Variants in DIAPH3 observed in about 807,000 individuals in gnomAD.
The protein encoded by DIAPH3 is protein diaphanous homolog 3.
DIAPH3 carries 117 observed loss-of-function variants against 144.3 expected under a neutral mutation model. That is an observed-to-expected ratio of 0.81 (90% CI 0.70 to 0.95). The LOEUF is 0.95. DIAPH3 is among the 40% of genes least tolerant of loss of function. The probability of loss-of-function intolerance (pLI) is 0.00; values close to 1 mark genes in which losing one functional copy is unlikely to be tolerated. For missense variants in DIAPH3, 1,421 were observed against 1,412.7 expected, an observed-to-expected ratio of 1.01 and a Z score of -0.09; for synonymous variants, 519 against 488.9, an observed-to-expected ratio of 1.06 and a Z score of -0.81.
At chr13:60,143,383 C>T (rs545386165) in intron 1 of DIAPH3, among the ~76,000 whole-genome samples, 21 of 152,262 alleles carry the variant, frequency 1.4e-4, no homozygotes, top group African/African-American at 4.6e-4. Flanking sequence ...ATCTTGAGCA[C>T]TTAAACTCTC....
intron 4 of DIAPH3, among the ~76,000 whole-genome samples, chr13:60,080,118 T>C (rs2057503986): frequency 6.6e-6 from 1 of 151,926 alleles, no homozygotes; most frequent in African/African-American, 2.4e-5. Flanking sequence ...TATTATAAAA[T>C]ATTGAAGAAC....
chr13:60,020,295 T>C (rs1273229352), intron 5 of DIAPH3, among the ~76,000 whole-genome samples: 1 of 152,190 alleles, frequency 6.6e-6, no homozygotes, highest in African/African-American at 2.4e-5. Flanking sequence ...TCCACACCAT[T>C]ACTGAACCTG....
chr13:59,943,959 C>T (rs1047665468), intron 17 of DIAPH3, among the ~76,000 whole-genome samples: 1 of 152,020 alleles, frequency 6.6e-6, no homozygotes, highest in South Asian at 2.1e-4. Context: ...TGCCTGCAAA[C>T]CCAGCACTTT....
chr13:59,718,537 G>T (rs1348890690), intron 27 of DIAPH3, among the ~76,000 whole-genome samples: 4 of 152,108 alleles, frequency 2.6e-5, no homozygotes, highest in African/African-American at 9.7e-5. Flanking sequence ...AATGAATTAG[G>T]TTAATGTGCC....
intron 1 of DIAPH3, among the ~76,000 whole-genome samples, chr13:60,139,055 C>T (rs1209241393): frequency 6.6e-6 from 1 of 152,180 alleles, no homozygotes; most frequent in Admixed American, 6.5e-5. Flanking sequence ...ATTATAAAGA[C>T]TATGAAAATT....
At chr13:59,753,132 G>A (rs1474949023) in intron 27 of DIAPH3, among the ~76,000 whole-genome samples, 2 of 152,052 alleles carry the variant, frequency 1.3e-5, no homozygotes, top group African/African-American at 2.4e-5. Context: ...AAACAAATTG[G>A]GTTAAAGAAC....
Position 59,742,312 on chromosome 13 carries a change from TGAAGACCCAAAGAAAC to T in DIAPH3, c.3319+31861_3319+31876del, listed in dbSNP as rs554004706. ...TACATGACAGGTGAAACTTCAGAAATGAAGACCCAAAGAAACAGGAAAATTTGCATATTTTTATGCT... is the reference window on the plus strand; with the variant it reads ...TACATGACAGGTGAAACTTCAGAAATAGGAAAATTTGCATATTTTTATGCT... On this transcript the variant is annotated intron_variant, in intron 27 of 27. Transcript: ENST00000400324. Among the ~76,000 whole-genome samples the T allele has an allele frequency of 3.2e-3, 486 of 152,210 alleles. 2 individuals are homozygous for T. Among genetic ancestry groups the T allele is most frequent in the Non-Finnish European group, 3.6e-3 (247 of 68,014 alleles).
chr13:59,922,222 G>GA (rs1433722366), intron 18 of DIAPH3, among the ~76,000 whole-genome samples: 1 of 151,422 alleles, frequency 6.6e-6, no homozygotes, highest in Non-Finnish European at 1.5e-5. Context: ...TTAGGTAAGA[G>GA]AAAAAAAATA....
At position 59,970,047 on chromosome 13, in the gene DIAPH3, A is replaced by G. The variant is rs1178147468; in HGVS notation, c.1971T>C (p.His657=). The G allele has an allele frequency of 6.3e-7, 1 of 1,589,292 alleles. No individual in the cohort carries two copies. Among genetic ancestry groups the G allele is most frequent in the African/African-American group, 1.3e-5 (1 of 74,572 alleles). The stretch of plus-strand genomic sequence containing the variant: ...TCCAGAAACAGTTTTCAGTCATTTC[A>G]TGAGGTCTGATCTACAATCAGAGAG... ...RRLNWLKIRP[H]EMTENCFWIK... The change falls in exon 17 of 28, where the codon CAT becomes CAC. Residue 657 remains histidine, a synonymous_variant. Transcript: ENST00000400324.
intron 5 of DIAPH3, among the ~76,000 whole-genome samples, chr13:60,041,728 G>T (rs1278592393): frequency 6.6e-6 from 1 of 152,098 alleles, no homozygotes; most frequent in Admixed American, 6.5e-5. Flanking sequence ...TTCTTATGCA[G>T]AAATAATCAT....
At chr13:60,145,198 T>G (rs755035695) in intron 1 of DIAPH3, among the ~76,000 whole-genome samples, 3 of 152,222 alleles carry the variant, frequency 2.0e-5, no homozygotes, top group African/African-American at 4.8e-5. Flanking sequence ...CTCTCCTTCC[T>G]TTCCCTCAGT....
intron 9 of DIAPH3, among the ~76,000 whole-genome samples, chr13:60,003,635 GC>G (rs1326900394): frequency 6.6e-6 from 1 of 151,590 alleles, no homozygotes; most frequent in Non-Finnish European, 1.5e-5. Flanking sequence ...GTGCAGTGGC[GC>G]GATCTCGGCT....
At chr13:59,694,664 C>CTTAGTGAACATATGA (rs34626102) in intron 27 of DIAPH3, among the ~76,000 whole-genome samples, 31 of 152,220 alleles carry the variant, frequency 2.0e-4, no homozygotes, top group African/African-American at 7.5e-4. Context: ...GAACATATGA[C>CTTAGTGAACATATGA]TTTAGTAAAT....
chr13:59,961,659 C>A (rs185016838), intron 17 of DIAPH3, among the ~76,000 whole-genome samples: 198 of 152,246 alleles, frequency 1.3e-3, no homozygotes, highest in African/African-American at 4.4e-3. Context: ...AATAGGATTT[C>A]TTTTAATCAG....
At chr13:60,138,997 A>G (rs563345556) in intron 1 of DIAPH3, among the ~76,000 whole-genome samples, 24 of 152,314 alleles carry the variant, frequency 1.6e-4, no homozygotes, top group African/African-American at 5.3e-4. Context: ...CTTCAATCTG[A>G]TAACATTTCT....
intron 5 of DIAPH3, among the ~76,000 whole-genome samples, chr13:60,027,845 A>G (rs747298968): frequency 7.3e-4 from 111 of 152,344 alleles, no homozygotes; most frequent in Non-Finnish European, 1.0e-3. Flanking sequence ...TTTTAAATAT[A>G]GACTAATTTG....
intron 27 of DIAPH3, among the ~76,000 whole-genome samples, chr13:59,727,467 G>A (rs2138953640): frequency 6.6e-6 from 1 of 152,254 alleles, no homozygotes; most frequent in East Asian, 1.9e-4. Context: ...ATGGATAAAT[G>A]TGTGGGTTTG....
At chr13:60,116,846 T>G (rs1464388524) in intron 2 of DIAPH3, among the ~76,000 whole-genome samples, 1 of 152,010 alleles carries the variant, frequency 6.6e-6, no homozygotes, top group Non-Finnish European at 1.5e-5. Flanking sequence ...GTCATAAAAA[T>G]TAACAATATT....
chr13:59,882,406 G>A (rs1188337811), intron 20 of DIAPH3, among the ~76,000 whole-genome samples: 1 of 152,116 alleles, frequency 6.6e-6, no homozygotes, highest in South Asian at 2.1e-4. Context: ...CTCATTATTT[G>A]AATCAAACTT....
Sources: gnomAD v4.1 joint callset for allele counts (sites outside exome capture counted in the v4.1 genomes callset) on GRCh38, gnomAD v4.1.1 for gene constraint, MANE v1.5 for transcripts, NCBI Gene and HGNC (gene_info 2026-07-23, HGNC 2026-07-21) for gene names.